The following IQUB variants were observed in gnomAD, a reference collection of about 807,000 sequenced individuals.
IQUB encodes the protein IQ motif and ubiquitin domain containing.
In IQUB, 86 loss-of-function variants were observed where a neutral mutation model predicts 86.4. The ratio of observed to expected loss-of-function variants is 1.00; its 90% CI spans 0.84 to 1.19. The LOEUF (loss-of-function observed/expected upper bound fraction) is 1.19. Among genes scored for constraint, IQUB ranks in the 50% most tolerant of loss-of-function variants. IQUB has a pLI of 0.00. For synonymous variants in IQUB, 289 were observed against 304.5 expected (o/e 0.95, Z 0.53); for missense variants, 946 against 916.9 (o/e 1.03, Z -0.41).
chr7:123,533,613 T>C (rs1797640643), intron 1 of IQUB, among the ~76,000 whole-genome samples: 1 of 152,186 alleles, frequency 6.6e-6, no homozygotes, highest in African/African-American at 2.4e-5. Flanking sequence ...CATAAATTCA[T>C]CCATAAATGC....
intron 1 of IQUB, among the ~76,000 whole-genome samples, chr7:123,530,543 GA>G (rs1257948341): frequency 2.6e-5 from 4 of 151,624 alleles, no homozygotes; most frequent in Non-Finnish European, 5.9e-5. Context: ...AATTTTCAGG[GA>G]AAAAAAATCT....
rs533742934 is a variant in IQUB at position 123,521,553 on chromosome 7, T to G, written c.-4-9209A>C. Among the ~76,000 whole-genome samples the G allele has an allele frequency of 6.0e-4, 91 of 152,068 alleles. 1 individual carries two copies. Among genetic ancestry groups the G allele is most frequent in the African/African-American group, 2.1e-3 (86 of 41,480 alleles). ...TTCTAATTACTCAGGAGGCTGAGGT[T>G]GGAAGATCGCTTCAGCCAGGGCGGT... On this transcript the variant is annotated intron_variant, in intron 1 of 12. Transcript: ENST00000324698.
At chr7:123,484,718 C>T (rs1352391015) in intron 7 of IQUB, among the ~76,000 whole-genome samples, 3 of 151,992 alleles carry the variant, frequency 2.0e-5, no homozygotes, top group African/African-American at 7.2e-5. Context: ...TATTCAAGTA[C>T]ACATACTCAT....
intron 1 of IQUB, among the ~76,000 whole-genome samples, chr7:123,516,562 GA>G (rs1284486073): frequency 6.6e-6 from 1 of 151,954 alleles, no homozygotes; most frequent in Non-Finnish European, 1.5e-5. Flanking sequence ...TATTAAGTGA[GA>G]AAAAGAAAGA....
chr7:123,532,750 G>C (rs1463634183), intron 1 of IQUB: 1 of 152,154 alleles, frequency 6.6e-6, no homozygotes, highest in Admixed American at 6.5e-5. Context: ...CGGCGATGGC[G>C]CGTCCTTGGG....
chr7:123,511,863 T>A, intron 2 of IQUB, 81 bp downstream of exon 2: 1 of 1,103,712 alleles, frequency 9.1e-7, no homozygotes, highest in Non-Finnish European at 1.3e-6. Context: ...AACAAATCTT[T>A]AAGCAAAAAT....
rs2117265321 is a variant in IQUB at position 123,512,374 on chromosome 7, A to G, written c.-4-30T>C. On this transcript the variant is annotated intron_variant, in intron 1 of 12. Coordinates refer to ENST00000324698, the MANE Select transcript of IQUB (RefSeq NM_178827.5). ...ATTAAGAAAAATAAACACATTTACTACATAGATGAAGTTTCTACACAAAAA... is the reference window on the plus strand; with the variant it reads ...ATTAAGAAAAATAAACACATTTACTGCATAGATGAAGTTTCTACACAAAAA... 5 of 1,346,700 alleles carry G rather than the reference A, an allele frequency of 3.7e-6. No homozygotes were observed. The East Asian group carries it at 1.2e-4, about 31-fold the overall frequency. The allele number at this position is 1,346,700 out of a possible 1,614,324, so 83.4% of individuals were successfully genotyped here.
chr7:123,499,297 A>G (rs2117184442), intron 6 of IQUB, among the ~76,000 whole-genome samples: 1 of 152,034 alleles, frequency 6.6e-6, no homozygotes, highest in South Asian at 2.1e-4. Context: ...TTTAGTAGAG[A>G]CAGGGTTTCA....
At chr7:123,492,862 A>G (rs1795532988) in intron 7 of IQUB, among the ~76,000 whole-genome samples, 1 of 152,080 alleles carries the variant, frequency 6.6e-6, no homozygotes, top group African/African-American at 2.4e-5. Flanking sequence ...GGGATAATCT[A>G]GCTGTTCACT....
intron 7 of IQUB, among the ~76,000 whole-genome samples, chr7:123,489,202 G>T (rs1795350310): frequency 6.6e-6 from 1 of 152,118 alleles, no homozygotes; most frequent in Non-Finnish European, 1.5e-5. Flanking sequence ...AAGGGTAGTT[G>T]CTATATATAT....
chr7:123,524,564 T>C (rs1189624419), intron 1 of IQUB, among the ~76,000 whole-genome samples: 1 of 147,508 alleles, frequency 6.8e-6, no homozygotes, highest in Non-Finnish European at 1.5e-5. Context: ...TCCTGAGACT[T>C]TGCTGAAATT....
intron 11 of IQUB, chr7:123,459,931 G>A (rs1397008924): frequency 6.6e-6 from 1 of 151,958 alleles, no homozygotes; most frequent in Admixed American, 6.6e-5. Flanking sequence ...CAAACTGTGG[G>A]TTGCTACCTC....
chr7:123,472,287 G>A (rs1794559640), intron 8 of IQUB, among the ~76,000 whole-genome samples: 1 of 151,444 alleles, frequency 6.6e-6, no homozygotes, highest in Admixed American at 6.6e-5. Flanking sequence ...AAGAAAGAAA[G>A]AGAAAGAAAT....
intron 11 of IQUB, among the ~76,000 whole-genome samples, chr7:123,459,302 TTGGTCAAACGG>T (rs1477046047): frequency 3.2e-4 from 49 of 152,124 alleles, no homozygotes; most frequent in African/African-American, 1.1e-3. Context: ...ACCCAGATAT[TTGGTCAAACGG>T]TATTCTGGTG....
At chr7:123,515,963 T>C (rs977235184) in intron 1 of IQUB, among the ~76,000 whole-genome samples, 1 of 152,190 alleles carries the variant, frequency 6.6e-6, no homozygotes, top group Non-Finnish European at 1.5e-5. Flanking sequence ...TTTTACGTGA[T>C]GGAAACACTC....
intron 8 of IQUB, among the ~76,000 whole-genome samples, chr7:123,479,030 G>T (rs1794878522): frequency 6.6e-6 from 1 of 152,110 alleles, no homozygotes; most frequent in African/African-American, 2.4e-5. Flanking sequence ...TGAAGAAGAT[G>T]AGAGGAGGGC....
chr7:123,483,286 C>T (rs866177715), intron 7 of IQUB, among the ~76,000 whole-genome samples: 1 of 152,034 alleles, frequency 6.6e-6, no homozygotes, highest in Admixed American at 6.6e-5. Context: ...TACACACAGT[C>T]CTTTTCAGTG....
chr7:123,481,269 A>T (rs1190107150), intron 7 of IQUB, among the ~76,000 whole-genome samples: 1 of 152,088 alleles, frequency 6.6e-6, no homozygotes, highest in Middle Eastern at 3.2e-3. Flanking sequence ...TCTTCTCAAG[A>T]CATAAATATT....
chr7:123,529,764 G>A (rs1178711675), intron 1 of IQUB, among the ~76,000 whole-genome samples: 3 of 140,694 alleles, frequency 2.1e-5, no homozygotes, highest in Non-Finnish European at 3.0e-5. Flanking sequence ...GGCTAGGTGC[G>A]GTGGCTCATG....
Sources: allele counts gnomAD v4.1 joint callset (sites outside exome capture counted in the v4.1 genomes callset), GRCh38; gene constraint gnomAD v4.1.1; transcripts MANE v1.5; gene names NCBI Gene and HGNC (gene_info 2026-07-23, HGNC 2026-07-21).